HABP4: variants seen among roughly 807,000 people sequenced by gnomAD.
The protein encoded by HABP4 is hyaluronan binding protein 4, also known as intracellular hyaluronan-binding protein 4.
In HABP4, 32 loss-of-function variants were observed where a neutral mutation model predicts 44.1. The observed-to-expected ratio is 0.73, with a 90% CI of 0.55 to 0.97. HABP4 has a LOEUF of 0.97. Ranked by LOEUF, HABP4 falls within the 50% of genes least tolerant of loss-of-function variation. HABP4 has a pLI of 0.00. For synonymous variants in HABP4, 216 were observed against 218.0 expected, an observed-to-expected ratio of 0.99 and a Z score of 0.08; for missense variants, 503 against 561.9, an observed-to-expected ratio of 0.90 and a Z score of 1.06.
chr9:96,476,997 CT>C (rs1564166646), intron 5 of HABP4, among the ~76,000 whole-genome samples: 1 of 152,224 alleles, frequency 6.6e-6, no homozygotes, highest in African/African-American at 2.4e-5. Context: ...ATATGCTTTA[CT>C]TTATGTGTCT....
intron 5 of HABP4, among the ~76,000 whole-genome samples, chr9:96,473,438 C>G (rs556913662): frequency 2.0e-5 from 3 of 152,332 alleles, no homozygotes; most frequent in South Asian, 2.1e-4. Flanking sequence ...CCGAGCATCA[C>G]CACTCACCAG....
intron 5 of HABP4, among the ~76,000 whole-genome samples, chr9:96,481,425 T>A (rs1832878424): frequency 1.3e-5 from 2 of 152,026 alleles, no homozygotes; most frequent in Non-Finnish European, 2.9e-5. Context: ...TGAGATATAA[T>A]TCTCGTACTA....
At chr9:96,489,880 T>C (rs1235648736) in intron 7 of HABP4, 102 bp from the exon 8 acceptor site, 2 of 793,586 alleles carry the variant, frequency 2.5e-6, no homozygotes, top group South Asian at 2.7e-5. Context: ...CTGCCTCTAA[T>C]GCAGGCCCCT....
intron 1 of HABP4, among the ~76,000 whole-genome samples, chr9:96,451,700 T>A (rs1832280878): frequency 6.6e-6 from 1 of 152,210 alleles, no homozygotes; most frequent in Admixed American, 6.5e-5. Flanking sequence ...GAGTCATCAC[T>A]TGAGAATCAA....
intron 5 of HABP4, among the ~76,000 whole-genome samples, chr9:96,478,359 C>T (rs879042619): frequency 6.6e-6 from 1 of 152,086 alleles, no homozygotes; most frequent in African/African-American, 2.4e-5. Flanking sequence ...TCTCGAACTC[C>T]TGACCTTGTG....
At chr9:96,468,307 G>T (rs1198986668) in intron 4 of HABP4, among the ~76,000 whole-genome samples, 1 of 150,602 alleles carries the variant, frequency 6.6e-6, no homozygotes, top group Non-Finnish European at 1.5e-5. Context: ...GCCCAGGCTG[G>T]AGTGCAGTGG....
intron 5 of HABP4, among the ~76,000 whole-genome samples, chr9:96,472,032 G>A (rs866546798): frequency 8.6e-5 from 13 of 151,794 alleles, no homozygotes; most frequent in South Asian, 6.3e-4. Context: ...CAGGTGATCC[G>A]CCCATCTCAG....
intron 5 of HABP4, chr9:96,483,490 G>C (rs186129963): frequency 6.6e-6 from 1 of 151,878 alleles, no homozygotes; most frequent in African/African-American, 2.4e-5. Flanking sequence ...GGCCTCAAGC[G>C]ATCCTCCCAC....
intron 4 of HABP4, among the ~76,000 whole-genome samples, chr9:96,469,295 A>G (rs1832655746): frequency 6.6e-6 from 1 of 152,236 alleles, no homozygotes; most frequent in Non-Finnish European, 1.5e-5. Flanking sequence ...AGAGCAAGAC[A>G]GTTTTATTTG....
In HABP4 at chr9:96,490,431, A is replaced by C. The variant is rs1359547779; in HGVS notation, c.*393A>C. On this transcript the variant is annotated 3_prime_UTR_variant, in exon 8 of 8. Transcript: ENST00000375249. ...CTTTAGCGTTAGAGGAAACACATAG[A>C]GCTGGAACTGTTAATGGAAAGCAGT... The C allele has an allele frequency of 5.9e-6, 1 of 168,302 alleles. No individual in the cohort carries two copies. Among genetic ancestry groups the C allele is most frequent in the African/African-American group, 2.4e-5 (1 of 42,126 alleles). 10.4% of individuals were successfully genotyped at this position (168,302 alleles called of 1,614,324 possible). A position where few individuals can be genotyped will look rare whatever the true frequency, so the allele number is the denominator to read the frequency against.
At chr9:96,469,265 C>G (rs930369485) in intron 4 of HABP4, among the ~76,000 whole-genome samples, 1 of 152,114 alleles carries the variant, frequency 6.6e-6, no homozygotes, top group East Asian at 1.9e-4. Context: ...AATAATGCTG[C>G]CTTTCAACTT....
chr9:96,479,799 C>T (rs1459150093), intron 5 of HABP4, among the ~76,000 whole-genome samples: 1 of 152,124 alleles, frequency 6.6e-6, no homozygotes, highest in Non-Finnish European at 1.5e-5. Context: ...ACAGGAGCCA[C>T]CGTGCCCAGC....
chr9:96,488,056 T>C lies in HABP4; in HGVS notation c.1000-33T>C. On this transcript the variant is annotated intron_variant, in intron 6 of 7. Transcript: ENST00000375249. This position sits in a 1 kb window ranked among gnomAD's most constrained non-coding sequence, Gnocchi z 4.6. ...GATGAGTGTGGGGATGGCTGTGGAC[T>C]TGTGCGTGTTTGATGCTGTAATTGT... 2.0e-6 allele frequency: 3 copies of C among 1,501,028 alleles called. No individual in the cohort carries two copies. The highest frequency in any genetic ancestry group is 1.9e-6 in the Non-Finnish European group (2 of 1,080,166). The allele number at this position is 1,501,028 out of a possible 1,614,324, so 93.0% of individuals were successfully genotyped here. A position where few individuals can be genotyped will look rare whatever the true frequency, so the allele number is the denominator to read the frequency against.
intron 2 of HABP4, 29 bp from the exon 3 acceptor site, chr9:96,465,308 C>T: frequency 2.0e-6 from 3 of 1,495,146 alleles, no homozygotes; most frequent in South Asian, 1.2e-5. Context: ...TTTAATTTAC[C>T]AGTTTTTATT....
chr9:96,476,438 T>C (rs549881579), intron 5 of HABP4, among the ~76,000 whole-genome samples: 28 of 152,338 alleles, frequency 1.8e-4, no homozygotes, highest in Middle Eastern at 3.4e-3. Flanking sequence ...AATTTGTATA[T>C]AGCATTATTC....
chr9:96,461,769 A>G (rs1197145716), intron 2 of HABP4, among the ~76,000 whole-genome samples: 1 of 152,220 alleles, frequency 6.6e-6, no homozygotes, highest in Non-Finnish European at 1.5e-5. Context: ...ATAAACATGT[A>G]TAGGTATTAA....
chr9:96,472,824 G>C (rs772106977), intron 5 of HABP4, among the ~76,000 whole-genome samples: 10 of 151,922 alleles, frequency 6.6e-5, no homozygotes, highest in Non-Finnish European at 1.3e-4. Context: ...TCCAGGCCTG[G>C]CTTCTGTCCT....
chr9:96,475,509 G>C (rs1260852290), intron 5 of HABP4, among the ~76,000 whole-genome samples: 1 of 152,180 alleles, frequency 6.6e-6, no homozygotes, highest in Non-Finnish European at 1.5e-5. Flanking sequence ...CTCCATGAAG[G>C]AGGAGCTACT....
chr9:96,468,704 T>C (rs754718789), intron 4 of HABP4, among the ~76,000 whole-genome samples: 2 of 152,170 alleles, frequency 1.3e-5, no homozygotes, highest in African/African-American at 2.4e-5. Context: ...TCAAAGCTCT[T>C]AGGTGGTTAT....
Sources: allele counts gnomAD v4.1 joint callset (sites outside exome capture counted in the v4.1 genomes callset), GRCh38; gene constraint gnomAD v4.1.1; non-coding constraint Gnocchi (gnomAD v3.1); transcripts MANE v1.5; gene names NCBI Gene and HGNC (gene_info 2026-07-23, HGNC 2026-07-21).